Variants in CLEC4E observed in about 807,000 individuals in gnomAD.
CLEC4E encodes C-type (calcium dependent, carbohydrate-recognition domain) lectin, superfamily member 9.
CLEC4E carries 21 observed loss-of-function variants against 24.7 expected under a neutral mutation model. The ratio of observed to expected loss-of-function variants is 0.85; its 90% CI spans 0.60 to 1.22. The LOEUF is 1.22. CLEC4E is among the 50% of genes most tolerant of loss of function. The pLI is 0.00. For synonymous variants in CLEC4E, 94 were observed against 85.7 expected, an observed-to-expected ratio of 1.10 and a Z score of -0.54; for missense variants, 249 against 254.1, an observed-to-expected ratio of 0.98 and a Z score of 0.14.
intron 4 of CLEC4E, 152 bp from the exon 5 acceptor site, chr12:8,536,357 A>C: frequency 2.2e-6 from 1 of 464,744 alleles, no homozygotes; most frequent in South Asian, 2.1e-5. Context: ...GGAGTTCAAG[A>C]CCAGCTTGAC....
intron 2 of CLEC4E, among the ~76,000 whole-genome samples, chr12:8,539,586 T>C (rs934804589): frequency 6.6e-6 from 1 of 152,138 alleles, no homozygotes. Flanking sequence ...ACACTAATGA[T>C]AGAGGCTGAA....
In CLEC4E at chr12:8,534,704, G is replaced by A. The variant is rs775252361; in HGVS notation, c.594C>T (p.Phe198=). 2 of 1,613,848 alleles carry A rather than the reference G, an allele frequency of 1.2e-6. No individual in the cohort carries two copies. The highest frequency in any genetic ancestry group is 1.7e-6 in the Non-Finnish European group (2 of 1,179,866). ...TTTCACAAATCCGAAAATAATTGAG[G>A]AAACAGGTTACATCATTCCAATTTT... ...PRQNWNDVTC[F]LNYFRICEMV... The change falls in exon 6 of 6, where the codon TTC becomes TTT. Residue 198 remains phenylalanine (F), a synonymous_variant. Coordinates refer to ENST00000299663, the MANE Select transcript of CLEC4E (RefSeq NM_014358.4).
chr12:8,539,862 T>G lies in CLEC4E; in HGVS notation c.123A>C (p.Arg41Ser), dbSNP rs769634954. ...TTGACCTTCAGAACCCACCAACACA[T>G]CTGGTGATGAAACAGGCACTGAGAA... ...ILFLSACFIT[R>S]CVVTFRIFQT... is the part of the protein sequence containing the mutation. The change falls in exon 2 of 6, where the codon AGA (arginine) becomes AGC (serine). Residue 41 changes from arginine (R) to serine (S), a missense_variant. Coordinates refer to ENST00000299663, the MANE Select transcript of CLEC4E (RefSeq NM_014358.4). 12 of 1,599,088 alleles carry G rather than the reference T, an allele frequency of 7.5e-6. No homozygotes were observed. The highest frequency in any genetic ancestry group is 1.0e-5 in the Non-Finnish European group (12 of 1,166,684).
In CLEC4E at chr12:8,537,322, A is replaced by C. The variant is rs930826792; in HGVS notation, c.221-56T>G. On this transcript the variant is annotated intron_variant, in intron 3 of 5. Coordinates refer to ENST00000299663, the MANE Select transcript of CLEC4E (RefSeq NM_014358.4). The stretch of plus-strand genomic sequence containing the variant: ...CAGGTGAACCGAATAAGAAAACCCA[A>C]AGCTTCATCTGGCCCCATGGAGTCC... 9.7e-6 allele frequency: 15 copies of C among 1,547,844 alleles called. No individual in the cohort carries two copies. The Admixed American group carries it at 1.2e-4, about 13-fold the overall frequency.
chr12:8,539,206 G>T lies in CLEC4E; in HGVS notation c.220+11C>A, dbSNP rs764139568. ...TGTAAATTTTGATGTTCACCTTTGG[G>T]ACTATTATACCTGATCCATAATTGT... On this transcript the variant is annotated intron_variant, in intron 3 of 5. Transcript: ENST00000299663. 1.1e-5 allele frequency: 18 copies of T among 1,569,352 alleles called. No homozygotes were observed. The South Asian group carries it at 1.8e-4, about 16-fold the overall frequency.
rs754546721 is a variant in CLEC4E, at chr12:8,538,165, C to T, written c.221-899G>A. Among the ~76,000 whole-genome samples, 344 of 152,350 alleles carry T rather than the reference C, an allele frequency of 2.3e-3. 2 individuals are homozygous for T. Among genetic ancestry groups the T allele is most frequent in the African/African-American group, 7.9e-3 (330 of 41,584 alleles). ...GTTTAGAGAAGACTCTGCTCCTCCA[C>T]CTCTTGTGGAGGGCCTGACATTAGT... is the stretch of plus-strand genomic sequence containing the variant. On this transcript the variant is annotated intron_variant, in intron 3 of 5. Coordinates refer to ENST00000299663, the MANE Select transcript of CLEC4E (RefSeq NM_014358.4).
chr12:8,539,785 G>A lies in CLEC4E; in HGVS notation c.130+70C>T, dbSNP rs979591078. ...CTTTGAGGGCAAAGAGAGTCTACAGGCAGCATGGAAGAGTTTTCTCCTAAT... is the reference window on the plus strand; with the variant it reads ...CTTTGAGGGCAAAGAGAGTCTACAGACAGCATGGAAGAGTTTTCTCCTAAT... On this transcript the variant is annotated intron_variant, in intron 2 of 5. Coordinates refer to ENST00000299663, the MANE Select transcript of CLEC4E (RefSeq NM_014358.4). 3.1e-6 allele frequency: 3 copies of A among 956,756 alleles called. No homozygotes were observed. The African/African-American group carries it at 4.8e-5, about 15-fold the overall frequency. 59.3% of individuals were successfully genotyped at this position (956,756 alleles called of 1,614,324 possible).
At chr12:8,539,130 G>A (rs749689171) in intron 3 of CLEC4E, 87 bp downstream of exon 3, 4 of 882,292 alleles carry the variant, frequency 4.5e-6, no homozygotes, top group Admixed American at 4.5e-5. Flanking sequence ...ACCTAATCCA[G>A]CTATATCTCA....
chr12:8,535,735 G>GAGAC (rs1271876776), intron 5 of CLEC4E, among the ~76,000 whole-genome samples: 18 of 152,110 alleles, frequency 1.2e-4, no homozygotes, highest in African/African-American at 4.3e-4. Context: ...AAGGAGAAAA[G>GAGAC]AGACATTATC....
At chr12:8,538,364 C>A (rs377375121) in intron 3 of CLEC4E, among the ~76,000 whole-genome samples, 1 of 152,214 alleles carries the variant, frequency 6.6e-6, no homozygotes, top group South Asian at 2.1e-4. Context: ...GAAATAATAG[C>A]GTAAGCTGTC....
intron 4 of CLEC4E, among the ~76,000 whole-genome samples, chr12:8,536,701 T>G (rs1373358076): frequency 6.6e-6 from 1 of 152,150 alleles, no homozygotes; most frequent in Non-Finnish European, 1.5e-5. Context: ...GAAAAGGAGA[T>G]CCTCAATAAT....
At chr12:8,539,067 C>A in intron 3 of CLEC4E, 150 bp downstream of exon 3, 2 of 581,364 alleles carry the variant, frequency 3.4e-6, no homozygotes, top group Admixed American at 3.2e-5. Context: ...TGCCCCAATG[C>A]TAATTGCATC....
intron 2 of CLEC4E, 67 bp from the exon 3 acceptor site, chr12:8,539,373 T>G (rs994910352): frequency 8.0e-6 from 8 of 997,568 alleles, no homozygotes; most frequent in South Asian, 4.5e-5. Flanking sequence ...CCCTCAGTTT[T>G]GTATTTATAA....
At chr12:8,536,633 T>C (rs2136398172) in intron 4 of CLEC4E, among the ~76,000 whole-genome samples, 1 of 152,306 alleles carries the variant, frequency 6.6e-6, no homozygotes, top group Non-Finnish European at 1.5e-5. Flanking sequence ...TCTACTGATT[T>C]TTTTTTGTGG....
intron 1 of CLEC4E, 105 bp from the exon 2 acceptor site, chr12:8,540,052 G>T: frequency 2.6e-6 from 2 of 774,920 alleles, no homozygotes; most frequent in East Asian, 2.5e-5. Context: ...TACTTCCATT[G>T]TTTGTACTGA....
Position 8,537,171 on chromosome 12 carries a change from T to A in CLEC4E, c.316A>T (p.Lys106Ter). 6.2e-7 allele frequency: 1 copy of A among 1,614,086 alleles called. No individual in the cohort carries two copies. The highest frequency in any genetic ancestry group is 2.2e-5 in the East Asian group (1 of 44,880). ...TDTISWALSLKNCSAMGAHLV... is the reference protein window; with the variant it reads ...TDTISWALSL ...TGAGCCCCCATGGCTGAGCAGTTCT[T>A]TAAACTTAACGCCCAGGAAATGGTG... is the stretch of plus-strand genomic sequence containing the variant. The change falls in exon 4 of 6, where the codon AAG becomes TAG. Residue 106 changes from lysine to a stop codon, truncating the protein, a stop_gained. Coordinates refer to ENST00000299663, the MANE Select transcript of CLEC4E (RefSeq NM_014358.4). LOFTEE classifies it high-confidence loss of function.
intron 3 of CLEC4E, 72 bp downstream of exon 3, chr12:8,539,145 T>A (rs932863941): frequency 4.7e-6 from 5 of 1,068,536 alleles, no homozygotes; most frequent in African/African-American, 1.6e-5. Context: ...ATCTCACCTG[T>A]CCCAAAGTCA....
intron 1 of CLEC4E, among the ~76,000 whole-genome samples, chr12:8,540,283 T>C (rs1383639409): frequency 6.6e-6 from 1 of 152,164 alleles, no homozygotes; most frequent in Non-Finnish European, 1.5e-5. Flanking sequence ...CCTTTCTAAG[T>C]CTCTCAGTTA....
intron 4 of CLEC4E, among the ~76,000 whole-genome samples, chr12:8,536,651 T>C (rs1241861862): frequency 6.6e-6 from 1 of 152,086 alleles, no homozygotes; most frequent in South Asian, 2.1e-4. Context: ...TGGTAAAATA[T>C]ACATAACATA....
Sources: gnomAD v4.1 joint callset for allele counts (sites outside exome capture counted in the v4.1 genomes callset) on GRCh38, gnomAD v4.1.1 for gene constraint, MANE v1.5 for transcripts, NCBI Gene and HGNC (gene_info 2026-07-23, HGNC 2026-07-21) for gene names.